The following SMAP1 variants were observed in gnomAD, a reference collection of about 807,000 sequenced individuals.
SMAP1 encodes the protein small ArfGAP 1, also known as stromal membrane-associated protein 1.
In SMAP1, 24 loss-of-function variants were observed where a neutral mutation model predicts 58.5. The observed-to-expected ratio is 0.41, with a 90% CI of 0.30 to 0.58. SMAP1 has a LOEUF of 0.58. Among genes scored for constraint, SMAP1 ranks in the 20% least tolerant of loss-of-function variants. The pLI is 0.29. For missense variants in SMAP1, 563 were observed against 566.3 expected (o/e 0.99, Z 0.06); for synonymous variants, 216 against 196.6 (o/e 1.10, Z -0.82).
chr6:70,780,672 G>T (rs1767726940), intron 4 of SMAP1, among the ~76,000 whole-genome samples: 1 of 152,206 alleles, frequency 6.6e-6, no homozygotes, highest in Admixed American at 6.5e-5. Context: ...AGTATTTTAA[G>T]TGAGTTTAAG....
At chr6:70,783,759 A>ATTT (rs1767873296) in intron 4 of SMAP1, among the ~76,000 whole-genome samples, 1 of 152,210 alleles carries the variant, frequency 6.6e-6, no homozygotes, top group East Asian at 1.9e-4. Context: ...AGAAAAAAGA[A>ATTT]TAAAAAGAAA....
intron 3 of SMAP1, among the ~76,000 whole-genome samples, chr6:70,767,062 T>C (rs1003360667): frequency 7.9e-5 from 12 of 152,112 alleles, no homozygotes; most frequent in Non-Finnish European, 1.5e-4. Flanking sequence ...GTTGTAGATA[T>C]GCGGCGTTAT....
At chr6:70,835,251 C>CAAAAAAAA (rs778677881) in intron 6 of SMAP1, among the ~76,000 whole-genome samples, 2 of 57,938 alleles carry the variant, frequency 3.5e-5, no homozygotes, top group Non-Finnish European at 6.9e-5. Context: ...GACTCCGTCT[C>CAAAAAAAA]AAAAAAAAAA....
chr6:70,840,594 T>G (rs2474917), intron 7 of SMAP1, among the ~76,000 whole-genome samples: 75,065 of 144,078 alleles, frequency 0.52, 19,263 homozygotes, highest in East Asian at 0.78. Flanking sequence ...CTTGTGTTCC[T>G]ATCAACTGTA....
At chr6:70,833,310 G>C (rs889695657) in intron 6 of SMAP1, among the ~76,000 whole-genome samples, 1 of 152,280 alleles carries the variant, frequency 6.6e-6, no homozygotes, top group East Asian at 1.9e-4. Context: ...ATATGAAGAA[G>C]TATATACTGT....
At chr6:70,842,852 A>G (rs574999583) in intron 7 of SMAP1, among the ~76,000 whole-genome samples, 12 of 152,228 alleles carry the variant, frequency 7.9e-5, no homozygotes, top group African/African-American at 2.2e-4. Flanking sequence ...GCAGCATCCT[A>G]TCCTCAGGAC....
Position 70,759,336 on chromosome 6 carries a change from T to C in SMAP1, c.338+4271T>C, listed in dbSNP as rs144268259. On this transcript the variant is annotated intron_variant, in intron 3 of 10. Transcript: ENST00000370455. The stretch of plus-strand genomic sequence containing the variant: ...ACCCCTCGAATTGAAGAATCCTCCT[T>C]TTCTGGAAGTTTGTGTCTGTGGCAG... Among the ~76,000 whole-genome samples, 484 of 152,172 alleles carry C rather than the reference T, an allele frequency of 3.2e-3. 2 individuals are homozygous for C. The highest frequency in any genetic ancestry group is 0.011 in the African/African-American group (466 of 41,526).
At chr6:70,721,227 A>G (rs964002299) in intron 1 of SMAP1, among the ~76,000 whole-genome samples, 34 of 152,086 alleles carry the variant, frequency 2.2e-4, no homozygotes, top group Non-Finnish European at 1.3e-4. Flanking sequence ...ACACAACCCA[A>G]ATCACCTCTT....
intron 10 of SMAP1, chr6:70,859,241 T>G: frequency 1.2e-6 from 1 of 854,662 alleles, no homozygotes. Flanking sequence ...TAAGTGTCAG[T>G]CACATGGTCA....
chr6:70,828,067 G>A (rs1417351591), intron 6 of SMAP1, among the ~76,000 whole-genome samples: 1 of 152,004 alleles, frequency 6.6e-6, no homozygotes, highest in Non-Finnish European at 1.5e-5. Flanking sequence ...TAGTTTTAAG[G>A]TTGTATATAA....
intron 3 of SMAP1, among the ~76,000 whole-genome samples, chr6:70,766,431 T>C (rs1265156383): frequency 1.3e-5 from 2 of 152,286 alleles, no homozygotes; most frequent in African/African-American, 2.4e-5. Context: ...TTTTAATGAT[T>C]GCCATTCTAA....
chr6:70,785,790 T>C (rs1165956204), intron 4 of SMAP1, among the ~76,000 whole-genome samples: 2 of 152,176 alleles, frequency 1.3e-5, no homozygotes, highest in Non-Finnish European at 2.9e-5. Flanking sequence ...TAACAGGCTC[T>C]GAAATTGTGG....
intron 3 of SMAP1, among the ~76,000 whole-genome samples, chr6:70,770,577 C>T (rs1033012409): frequency 7.9e-5 from 12 of 152,122 alleles, no homozygotes; most frequent in East Asian, 1.9e-4. Context: ...ATGTAGTTCT[C>T]GAGCCTTGGC....
intron 3 of SMAP1, among the ~76,000 whole-genome samples, chr6:70,769,171 C>G (rs1054933349): frequency 7.9e-5 from 12 of 152,078 alleles, no homozygotes; most frequent in African/African-American, 2.9e-4. Flanking sequence ...TTACTTCCAA[C>G]TATGTGGTCA....
At chr6:70,798,876 C>G (rs1159966151) in intron 6 of SMAP1, 139 bp downstream of exon 6, 1 of 662,674 alleles carries the variant, frequency 1.5e-6, no homozygotes, top group African/African-American at 1.8e-5. Flanking sequence ...ATGCTGTGTG[C>G]TCAGCATGTC....
intron 4 of SMAP1, among the ~76,000 whole-genome samples, chr6:70,782,811 G>A (rs1030926361): frequency 2.0e-5 from 3 of 152,210 alleles, no homozygotes; most frequent in African/African-American, 7.2e-5. Flanking sequence ...CAGATGGCCA[G>A]TATGGAAATA....
intron 4 of SMAP1, among the ~76,000 whole-genome samples, chr6:70,788,976 A>G (rs1360265633): frequency 6.6e-6 from 1 of 152,174 alleles, no homozygotes; most frequent in Non-Finnish European, 1.5e-5. Context: ...ATTTCCTACT[A>G]GAGATTTAGA....
chr6:70,801,235 A>T (rs1768837771), intron 6 of SMAP1, among the ~76,000 whole-genome samples: 1 of 152,178 alleles, frequency 6.6e-6, no homozygotes, highest in South Asian at 2.1e-4. Flanking sequence ...ATGGTATCTC[A>T]TCGTGGTTTT....
chr6:70,771,710 A>T (rs1387466596), intron 3 of SMAP1, among the ~76,000 whole-genome samples: 4 of 152,246 alleles, frequency 2.6e-5, no homozygotes, highest in South Asian at 4.1e-4. Context: ...TTCCCGAGTG[A>T]GGCAATGCCT....
Sources: gnomAD v4.1 joint callset for allele counts (sites outside exome capture counted in the v4.1 genomes callset) on GRCh38, gnomAD v4.1.1 for gene constraint, MANE v1.5 for transcripts, NCBI Gene and HGNC (gene_info 2026-07-23, HGNC 2026-07-21) for gene names.